FNIP1: variants seen among roughly 807,000 people sequenced by gnomAD.
The protein encoded by FNIP1 is folliculin-interacting protein 1.
FNIP1 carries 40 observed loss-of-function variants against 124.5 expected under a neutral mutation model. The ratio of observed to expected loss-of-function variants is 0.32; its 90% confidence interval spans 0.25 to 0.42. The LOEUF (loss-of-function observed/expected upper bound fraction) is 0.42. Ranked by LOEUF, FNIP1 falls within the 10% of genes least tolerant of loss-of-function variation. FNIP1 has a pLI of 1.00. For synonymous variants in FNIP1, 472 were observed against 470.6 expected (o/e 1.00, Z -0.04); for missense variants, 1,176 against 1,403.7 (o/e 0.84, Z 2.59).
At chr5:131,716,518 A>G in intron 6 of FNIP1, 47 bp downstream of exon 6, 1 of 1,274,478 alleles carries the variant, frequency 7.8e-7, no homozygotes, top group Non-Finnish European at 1.1e-6. Context: ...AACACTTGTT[A>G]CCCTGCTAGT....
rs957475436 is a variant in FNIP1 at position 131,643,412 on chromosome 5, A to T, written c.*1273T>A. The stretch of plus-strand genomic sequence containing the variant: ...AAACCAACTTTACTACTAGCATTAA[A>T]AGTCTCTTAGACCAGATAAGCAAAG... On this transcript the variant is annotated 3_prime_UTR_variant, in exon 18 of 18. Coordinates refer to ENST00000510461, the MANE Select transcript of FNIP1 (RefSeq NM_133372.3). The T allele has an allele frequency of 2.0e-5, 3 of 152,808 alleles. No homozygotes were observed. The highest frequency in any genetic ancestry group is 4.4e-5 in the Non-Finnish European group (3 of 68,042). The allele number at this position is 152,808 out of a possible 1,614,324, so 9.5% of individuals were successfully genotyped here.
intron 1 of FNIP1, among the ~76,000 whole-genome samples, chr5:131,765,271 G>A (rs1365220007): frequency 6.6e-6 from 1 of 152,160 alleles, no homozygotes. Context: ...GTTAATGGAA[G>A]TGTTTGAGGG....
chr5:131,744,662 G>C lies in FNIP1; in HGVS notation c.121C>G (p.Gln41Glu). 1 of 1,607,814 alleles carries C rather than the reference G, an allele frequency of 6.2e-7. No individual in the cohort carries two copies. The highest frequency in any genetic ancestry group is 1.3e-5 in the African/African-American group (1 of 74,750). ...SWPLPEFDPS[Q>E]IRLIVYQDCE... Reference sequence around the variant, plus strand: ...TCTTGATATACAATCAGTCGAATCTGGCTTGGATCAAACTCTGGTAAAGGC... The same window carrying C: ...TCTTGATATACAATCAGTCGAATCTCGCTTGGATCAAACTCTGGTAAAGGC... The change falls in exon 2 of 18, where the codon CAG (glutamine) becomes GAG (glutamate). Residue 41 changes from glutamine to glutamate, a missense_variant. By Grantham distance (29) the Gln-to-Glu change is conservative. Coordinates refer to ENST00000510461, the MANE Select transcript of FNIP1 (RefSeq NM_133372.3).
At chr5:131,718,397 C>A (rs1304758280) in intron 5 of FNIP1, among the ~76,000 whole-genome samples, 1 of 152,186 alleles carries the variant, frequency 6.6e-6, no homozygotes, top group South Asian at 2.1e-4. Flanking sequence ...ATGAGTCTTG[C>A]TCTGATATGG....
intron 1 of FNIP1, among the ~76,000 whole-genome samples, chr5:131,769,537 C>A (rs1310359583): frequency 1.3e-5 from 2 of 152,156 alleles, no homozygotes; most frequent in Non-Finnish European, 1.5e-5. Flanking sequence ...TTAATAACAG[C>A]AATGAACCAT....
At position 131,672,682 on chromosome 5, in the gene FNIP1, T is replaced by C. The variant is rs1478990672; in HGVS notation, c.1762A>G (p.Met588Val). 9 of 1,614,194 alleles carry C rather than the reference T, an allele frequency of 5.6e-6. No individual in the cohort carries two copies. Among genetic ancestry groups the C allele is most frequent in the East Asian group, 2.2e-5 (1 of 44,884 alleles). ...IEESEYVLVTMHRNKSSLLFK... is the reference protein window; with the variant it reads ...IEESEYVLVTVHRNKSSLLFK... ...AGCAAACTGCTTTTGTTTCTATGCATTGTGACAAGGACATACTCTGATTCT... is the reference window on the plus strand; with the variant it reads ...AGCAAACTGCTTTTGTTTCTATGCACTGTGACAAGGACATACTCTGATTCT... Residue 588 changes from methionine (M) to valine (V), a missense_variant, in exon 14 of 18, where the codon ATG becomes GTG. This residue lies in a region of FNIP1 where 1,109 missense variants were observed against 1,288.5 expected (regional missense o/e 0.86). Coordinates refer to ENST00000510461, the MANE Select transcript of FNIP1 (RefSeq NM_133372.3).
At chr5:131,653,072 C>T (rs1018091797) in intron 15 of FNIP1, among the ~76,000 whole-genome samples, 4 of 152,060 alleles carry the variant, frequency 2.6e-5, no homozygotes, top group African/African-American at 9.7e-5. Context: ...CATTAATATC[C>T]CTCAGCACCA....
chr5:131,715,281 T>C (rs1313596059), intron 6 of FNIP1, among the ~76,000 whole-genome samples: 4 of 151,954 alleles, frequency 2.6e-5, no homozygotes, highest in African/African-American at 9.7e-5. Context: ...CGGTCAGGAG[T>C]TCGAGAACAG....
intron 11 of FNIP1, among the ~76,000 whole-genome samples, chr5:131,691,990 T>C (rs924860423): frequency 1.3e-5 from 2 of 151,826 alleles, no homozygotes; most frequent in African/African-American, 4.8e-5. Context: ...TCATTCAATA[T>C]CATACTGGAA....
At chr5:131,693,305 TATATATATATACACATATATATATATAC>T (rs1344148165) in intron 11 of FNIP1, among the ~76,000 whole-genome samples, 1 of 29,806 alleles carries the variant, frequency 3.4e-5, no homozygotes, top group African/African-American at 9.9e-5. Context: ...TACATATATA[TATATATATATACACATATATATATATAC>T]ATATATATAT....
intron 2 of FNIP1, among the ~76,000 whole-genome samples, chr5:131,733,657 C>T (rs920943316): frequency 3.9e-5 from 6 of 152,136 alleles, no homozygotes; most frequent in African/African-American, 1.4e-4. Flanking sequence ...GTTAAACCAG[C>T]CTTGCATCCC....
intron 8 of FNIP1, among the ~76,000 whole-genome samples, chr5:131,708,754 G>C (rs763050297): frequency 6.6e-6 from 1 of 151,064 alleles, no homozygotes; most frequent in Non-Finnish European, 1.5e-5. Context: ...ATAAATGTTT[G>C]CTAGACCTAC....
At chr5:131,790,478 C>CAAAAA (rs56699008) in intron 1 of FNIP1, among the ~76,000 whole-genome samples, 791 of 69,842 alleles carry the variant, frequency 0.011, 36 homozygotes, top group East Asian at 0.031. Context: ...GAACCTGTCT[C>CAAAAA]AAAAAAAAAA....
chr5:131,796,948 T>A lies in FNIP1; in HGVS notation c.-27A>T. ...CTAGCCACGGCCAGGCAGGGGTCGC[T>A]CCGCTGGGCGCTTGCTAGGCCCCTG... On this transcript the variant is annotated 5_prime_UTR_variant, in exon 1 of 18. Transcript: ENST00000510461. The A allele has an allele frequency of 6.4e-7, 1 of 1,574,210 alleles. No homozygotes were observed. Among genetic ancestry groups the A allele is most frequent in the Non-Finnish European group, 8.6e-7 (1 of 1,159,472 alleles).
Position 131,672,579 on chromosome 5 carries a change from A to T in FNIP1, c.1865T>A (p.Val622Glu). The T allele has an allele frequency of 6.2e-7, 1 of 1,614,120 alleles. No homozygotes were observed. The highest frequency in any genetic ancestry group is 1.1e-5 in the South Asian group (1 of 91,078). The change falls in exon 14 of 18, where the codon GTA becomes GAA. Residue 622 changes from valine to glutamate, a missense_variant. Val to Glu is a moderately radical substitution (Grantham distance 121). Transcript: ENST00000510461. ...TCTCTCTTGTTGTGAAATGTTCTCT[A>T]CATTTTGCCCAAGGAGTGGATGACT... ...YCSHPLLGQNVENISQQERED... is the reference protein window; with the variant it reads ...YCSHPLLGQNEENISQQERED...
intron 11 of FNIP1, among the ~76,000 whole-genome samples, chr5:131,679,571 C>G (rs1347805219): frequency 6.6e-6 from 1 of 152,168 alleles, no homozygotes; most frequent in African/African-American, 2.4e-5. Context: ...AGAAAATATT[C>G]TAAATGAGGT....
chr5:131,678,725 C>T (rs1767983577), intron 12 of FNIP1, among the ~76,000 whole-genome samples: 1 of 152,114 alleles, frequency 6.6e-6, no homozygotes, highest in African/African-American at 2.4e-5. Context: ...TAAATGTTTT[C>T]TACCTCTTTT....
intron 3 of FNIP1, among the ~76,000 whole-genome samples, chr5:131,725,108 G>C (rs569448651): frequency 6.6e-6 from 1 of 152,272 alleles, no homozygotes; most frequent in East Asian, 1.9e-4. Flanking sequence ...CTGTAGCCTT[G>C]TGGTATAGTT....
chr5:131,736,969 T>C (rs1770329869), intron 2 of FNIP1, among the ~76,000 whole-genome samples: 1 of 152,208 alleles, frequency 6.6e-6, no homozygotes, highest in South Asian at 2.1e-4. Context: ...TTTGTGATTG[T>C]TTCAAAAAGT....
Sources: allele counts gnomAD v4.1 joint callset (sites outside exome capture counted in the v4.1 genomes callset), GRCh38; gene constraint gnomAD v4.1.1; regional missense constraint gnomAD v4.1.1; transcripts MANE v1.5; gene names NCBI Gene and HGNC (gene_info 2026-07-23, HGNC 2026-07-21).